The following NELL1 variants were observed in gnomAD, a reference collection of about 807,000 sequenced individuals.
The protein encoded by NELL1 is neural EGFL like 1, also known as protein kinase C-binding protein NELL1.
A neutral mutation model predicts 107.4 loss-of-function variants in NELL1; 76 were observed. That is an observed-to-expected ratio of 0.71 (90% CI 0.59 to 0.86). The LOEUF is 0.86. Ranked by LOEUF, NELL1 falls within the 40% of genes least tolerant of loss-of-function variation. The probability of loss-of-function intolerance (pLI) is 0.00; values close to 1 mark genes in which losing one functional copy is unlikely to be tolerated. For synonymous variants in NELL1, 353 were observed against 341.2 expected (o/e 1.03, Z -0.38); for missense variants, 1,024 against 1,005.5 (o/e 1.02, Z -0.25).
intron 2 of NELL1, among the ~76,000 whole-genome samples, chr11:20,755,899 T>G (rs1319203650): frequency 3.1e-4 from 15 of 48,242 alleles, no homozygotes; most frequent in East Asian, 2.5e-3. Context: ...TTTTTTTTTT[T>G]TTTTTTTTTA....
chr11:20,871,487 T>C (rs540034835), intron 4 of NELL1, among the ~76,000 whole-genome samples: 1 of 152,356 alleles, frequency 6.6e-6, no homozygotes, highest in Non-Finnish European at 1.5e-5. Context: ...TCTATCTATC[T>C]AATCTATCTA....
chr11:21,083,181 A>G (rs1368490540), intron 12 of NELL1, among the ~76,000 whole-genome samples: 2 of 152,156 alleles, frequency 1.3e-5, no homozygotes, highest in African/African-American at 4.8e-5. Flanking sequence ...ATTGGTAGGT[A>G]AAAAATATCA....
intron 13 of NELL1, among the ~76,000 whole-genome samples, chr11:21,122,619 T>G (rs751422127): frequency 1.3e-5 from 2 of 152,188 alleles, no homozygotes; most frequent in Non-Finnish European, 2.9e-5. Flanking sequence ...ATTCTCATGG[T>G]TAAAGTCTAG....
At position 21,373,733 on chromosome 11, in the gene NELL1, T is replaced by C. The variant is rs554042781; in HGVS notation, c.1645+2785T>C. Among the ~76,000 whole-genome samples the C allele has an allele frequency of 1.1e-4, 16 of 152,220 alleles. No individual in the cohort carries two copies. The South Asian group carries it at 2.7e-3, about 26-fold the overall frequency. On this transcript the variant is annotated intron_variant, in intron 15 of 19. Coordinates refer to ENST00000357134, the MANE Select transcript of NELL1 (RefSeq NM_006157.5). ...GATGACATTTCAGTAACCTTAAACTTTTCATAACCCCCCTTAAGCAAACAC... is the reference window on the plus strand; with the variant it reads ...GATGACATTTCAGTAACCTTAAACTCTTCATAACCCCCCTTAAGCAAACAC...
At chr11:20,990,504 C>T (rs185018177) in intron 12 of NELL1, among the ~76,000 whole-genome samples, 1 of 152,288 alleles carries the variant, frequency 6.6e-6, no homozygotes, top group East Asian at 1.9e-4. Context: ...CTCTTTTTGT[C>T]ATTTTTCTGC....
intron 11 of NELL1, among the ~76,000 whole-genome samples, chr11:20,959,442 G>A (rs1444916026): frequency 6.6e-6 from 1 of 152,154 alleles, no homozygotes; most frequent in Non-Finnish European, 1.5e-5. Context: ...ATCAATCAGA[G>A]TGGATAAAGA....
intron 14 of NELL1, among the ~76,000 whole-genome samples, chr11:21,320,605 G>T (rs1193711764): frequency 6.6e-6 from 1 of 152,146 alleles, no homozygotes; most frequent in African/African-American, 2.4e-5. Context: ...AAAGTGGTTG[G>T]CTGGAATTGC....
intron 12 of NELL1, among the ~76,000 whole-genome samples, chr11:21,034,805 G>T (rs1853048492): frequency 6.6e-6 from 1 of 151,988 alleles, no homozygotes; most frequent in African/African-American, 2.4e-5. Flanking sequence ...AAGATCTCAA[G>T]TTAACCTAAC....
chr11:20,744,772 G>A (rs1855966908), intron 2 of NELL1, among the ~76,000 whole-genome samples: 2 of 152,188 alleles, frequency 1.3e-5, no homozygotes, highest in South Asian at 4.1e-4. Flanking sequence ...CAACATCAGG[G>A]GCCATGGTAA....
At chr11:20,982,673 T>C (rs1851772629) in intron 12 of NELL1, among the ~76,000 whole-genome samples, 1 of 152,232 alleles carries the variant, frequency 6.6e-6, no homozygotes. Flanking sequence ...CAAGGCCATA[T>C]TGTCAGTAAA....
intron 14 of NELL1, among the ~76,000 whole-genome samples, chr11:21,315,894 T>A (rs200771087): frequency 0.049 from 1,229 of 25,030 alleles, 17 homozygotes; most frequent in African/African-American, 0.17. Flanking sequence ...GGTGTGAGTG[T>A]GTGTGTGTGT....
chr11:21,522,646 C>T (rs764470498), intron 15 of NELL1, among the ~76,000 whole-genome samples: 1 of 151,922 alleles, frequency 6.6e-6, no homozygotes, highest in Non-Finnish European at 1.5e-5. Flanking sequence ...CACGAGAAGC[C>T]CTGACTTCTC....
At chr11:21,277,807 C>A (rs1278218462) in intron 14 of NELL1, among the ~76,000 whole-genome samples, 3 of 152,252 alleles carry the variant, frequency 2.0e-5, no homozygotes, top group Non-Finnish European at 2.9e-5. Flanking sequence ...GGACAAAAAA[C>A]CAAACACTGC....
intron 3 of NELL1, among the ~76,000 whole-genome samples, chr11:20,797,171 G>A (rs1240586025): frequency 6.6e-6 from 1 of 152,164 alleles, no homozygotes; most frequent in African/African-American, 2.4e-5. Context: ...AAGGATATAA[G>A]CACAGGCTTG....
In NELL1 at chr11:20,831,363, C is replaced by T. The variant is rs74615712; in HGVS notation, c.336-16220C>T. On this transcript the variant is annotated intron_variant, in intron 3 of 19. Transcript: ENST00000357134. Reference sequence around the variant, plus strand: ...ACAAGTTGACTCATGTGCACCTTCACGTTCGAGGAACACTTTTAAAGTGTT... The same window carrying T: ...ACAAGTTGACTCATGTGCACCTTCATGTTCGAGGAACACTTTTAAAGTGTT... 5.9e-3 allele frequency among the ~76,000 whole-genome samples: 904 copies of T among 152,304 alleles called. 5 individuals carry two copies. Among genetic ancestry groups the T allele is most frequent in the Non-Finnish European group, 9.6e-3 (653 of 68,030 alleles).
chr11:21,561,422 G>C (rs958456591), intron 17 of NELL1, among the ~76,000 whole-genome samples: 1 of 151,946 alleles, frequency 6.6e-6, no homozygotes, highest in African/African-American at 2.4e-5. Flanking sequence ...TCCAATCTAG[G>C]TTTGTTTTCC....
chr11:20,978,486 G>A (rs966388408), intron 12 of NELL1, among the ~76,000 whole-genome samples: 2 of 152,032 alleles, frequency 1.3e-5, no homozygotes, highest in Non-Finnish European at 2.9e-5. Context: ...GTCTAAATGA[G>A]GGATTTTGCC....
chr11:20,712,020 C>T (rs368231622), intron 2 of NELL1, among the ~76,000 whole-genome samples: 1 of 152,038 alleles, frequency 6.6e-6, no homozygotes, highest in Admixed American at 6.6e-5. Flanking sequence ...GTGAGGTTTT[C>T]CTCAATTATT....
intron 12 of NELL1, among the ~76,000 whole-genome samples, chr11:21,041,285 G>T (rs1400949977): frequency 2.0e-5 from 3 of 152,154 alleles, no homozygotes; most frequent in East Asian, 1.9e-4. Context: ...ACCTTGCGTA[G>T]TCGCTTTGAG....
Sources: gnomAD v4.1 joint callset for allele counts (sites outside exome capture counted in the v4.1 genomes callset) on GRCh38, gnomAD v4.1.1 for gene constraint, MANE v1.5 for transcripts, NCBI Gene and HGNC (gene_info 2026-07-23, HGNC 2026-07-21) for gene names.